The following FHIT variants were observed in gnomAD, a reference collection of about 807,000 sequenced individuals.
FHIT encodes bis(5'-adenosyl)-triphosphatase.
FHIT carries 19 observed loss-of-function variants against 17.9 expected under a neutral mutation model. The observed-to-expected ratio is 1.06, with a 90% CI of 0.74 to 1.56. The LOEUF (loss-of-function observed/expected upper bound fraction) is 1.56. Among genes scored for constraint, FHIT ranks in the 40% most tolerant of loss-of-function variants. The pLI, the probability that FHIT is intolerant of heterozygous loss-of-function variation, is 0.00. For synonymous variants in FHIT, 81 were observed against 69.7 expected (o/e 1.16, Z -0.81); for missense variants, 248 against 189.2 (o/e 1.31, Z -1.82).
At chr3:61,186,935 T>C (rs368379471) in intron 2 of FHIT, among the ~76,000 whole-genome samples, 75 of 152,340 alleles carry the variant, frequency 4.9e-4, no homozygotes, top group African/African-American at 1.7e-3. Flanking sequence ...AGGCCTGCTA[T>C]GTTTTGCCTC....
intron 4 of FHIT, among the ~76,000 whole-genome samples, chr3:60,601,862 GT>G (rs1368725908): frequency 6.6e-6 from 1 of 152,106 alleles, no homozygotes; most frequent in Non-Finnish European, 1.5e-5. Context: ...AAATTCCAGA[GT>G]TAAGGAAGTA....
At chr3:60,196,995 C>T (rs138095357) in intron 5 of FHIT, among the ~76,000 whole-genome samples, 83 of 152,200 alleles carry the variant, frequency 5.5e-4, no homozygotes, top group Non-Finnish European at 5.9e-4. Context: ...TAGATTACTG[C>T]ACCCCAAATA....
At chr3:59,963,283 A>AC (rs1707771031) in intron 7 of FHIT, among the ~76,000 whole-genome samples, 1 of 149,528 alleles carries the variant, frequency 6.7e-6, no homozygotes, top group Non-Finnish European at 1.5e-5. Flanking sequence ...TAATAATAAT[A>AC]ATAATAATAA....
intron 3 of FHIT, among the ~76,000 whole-genome samples, chr3:60,909,153 G>A (rs1706585536): frequency 6.6e-6 from 1 of 151,974 alleles, no homozygotes; most frequent in African/African-American, 2.4e-5. Flanking sequence ...GGTGGATCAC[G>A]AGGTCAGGAG....
chr3:60,852,363 T>C (rs1703188859), intron 3 of FHIT, among the ~76,000 whole-genome samples: 1 of 152,050 alleles, frequency 6.6e-6, no homozygotes, highest in Non-Finnish European at 1.5e-5. Context: ...AGAGCCAACT[T>C]CTCATAATAA....
intron 4 of FHIT, among the ~76,000 whole-genome samples, chr3:60,685,476 G>A (rs1301776520): frequency 6.6e-6 from 1 of 152,052 alleles, no homozygotes; most frequent in African/African-American, 2.4e-5. Context: ...GGTACACTCC[G>A]TTTGAAGGTT....
At chr3:59,986,805 G>A (rs188280099) in intron 7 of FHIT, among the ~76,000 whole-genome samples, 5,102 of 8,396 alleles carry the variant, frequency 0.61, 1,286 homozygotes, top group Middle Eastern at 0.7. Context: ...AATATATTTT[G>A]TATTATATAT....
At chr3:60,236,655 T>C (rs965288795) in intron 5 of FHIT, among the ~76,000 whole-genome samples, 2 of 152,126 alleles carry the variant, frequency 1.3e-5, no homozygotes, top group African/African-American at 4.8e-5. Context: ...CATGTATCCA[T>C]CTATTAGATG....
intron 1 of FHIT, among the ~76,000 whole-genome samples, chr3:61,203,412 C>T (rs1010354706): frequency 6.7e-6 from 1 of 149,040 alleles, no homozygotes; most frequent in Non-Finnish European, 1.5e-5. Context: ...TGATAGAGAA[C>T]AATAGATAAA....
intron 5 of FHIT, among the ~76,000 whole-genome samples, chr3:60,391,589 G>C (rs1701236135): frequency 6.6e-6 from 1 of 152,122 alleles, no homozygotes; most frequent in African/African-American, 2.4e-5. Flanking sequence ...TATTTTAACT[G>C]TACCTTTTCT....
intron 3 of FHIT, among the ~76,000 whole-genome samples, chr3:60,957,757 G>A (rs1389239508): frequency 6.6e-6 from 1 of 152,146 alleles, no homozygotes; most frequent in East Asian, 1.9e-4. Flanking sequence ...TAAGGCAAAT[G>A]TCCCTTTACA....
chr3:60,729,800 T>G (rs2041991851), intron 4 of FHIT, among the ~76,000 whole-genome samples: 2 of 152,018 alleles, frequency 1.3e-5, no homozygotes, highest in African/African-American at 4.8e-5. Flanking sequence ...TTCCAGTGTT[T>G]AATTTCTGGA....
At chr3:60,610,449 C>T (rs868946837) in intron 4 of FHIT, among the ~76,000 whole-genome samples, 18 of 152,204 alleles carry the variant, frequency 1.2e-4, no homozygotes, top group East Asian at 5.8e-4. Flanking sequence ...AGAGTTTCTA[C>T]GCAATTCCCC....
At chr3:59,948,290 G>C (rs1706928473) in intron 7 of FHIT, among the ~76,000 whole-genome samples, 1 of 150,438 alleles carries the variant, frequency 6.6e-6, no homozygotes, top group Non-Finnish European at 1.5e-5. Flanking sequence ...AGATCATAAG[G>C]TCAGGACATC....
chr3:60,975,136 C>T (rs1409840349), intron 3 of FHIT, among the ~76,000 whole-genome samples: 1 of 152,132 alleles, frequency 6.6e-6, no homozygotes, highest in Non-Finnish European at 1.5e-5. Context: ...AGCAGGTGCA[C>T]ATACTGAGGA....
At chr3:60,281,043 TCC>T (rs1707423837) in intron 5 of FHIT, among the ~76,000 whole-genome samples, 2 of 152,192 alleles carry the variant, frequency 1.3e-5, no homozygotes, top group Admixed American at 6.5e-5. Context: ...AATATTTCTT[TCC>T]AATATGCCAG....
chr3:60,058,230 C>T (rs565811153), intron 5 of FHIT, among the ~76,000 whole-genome samples: 5 of 149,728 alleles, frequency 3.3e-5, no homozygotes, highest in African/African-American at 7.4e-5. Flanking sequence ...CTGCAATCTC[C>T]GCCTCCTGGG....
At chr3:60,118,336 G>A (rs1053780490) in intron 5 of FHIT, among the ~76,000 whole-genome samples, 1 of 147,082 alleles carries the variant, frequency 6.8e-6, no homozygotes, top group Non-Finnish European at 1.5e-5. Flanking sequence ...TTGAACTCCT[G>A]GCCTCAAGGA....
At chr3:60,147,276 A>G (rs1700279448) in intron 5 of FHIT, among the ~76,000 whole-genome samples, 1 of 152,194 alleles carries the variant, frequency 6.6e-6, no homozygotes, top group South Asian at 2.1e-4. Flanking sequence ...TGCAGAAACC[A>G]TCTCACCTAC....
Sources: allele counts gnomAD v4.1 joint callset (sites outside exome capture counted in the v4.1 genomes callset), GRCh38; gene constraint gnomAD v4.1.1; transcripts MANE v1.5; gene names NCBI Gene and HGNC (gene_info 2026-07-23, HGNC 2026-07-21).